TBX5: variants seen among roughly 807,000 people sequenced by gnomAD.
TBX5 encodes T-box transcription factor 5.
Under a neutral mutation model 51.1 loss-of-function variants are expected in TBX5, and 8 were observed. The ratio of observed to expected loss-of-function variants is 0.16; its 90% CI spans 0.09 to 0.28. TBX5 has a LOEUF of 0.28. TBX5 is among the 10% of genes least tolerant of loss of function. TBX5 has a pLI of 1.00. For missense variants in TBX5, 589 were observed against 671.7 expected (o/e 0.88, Z 1.36); for synonymous variants, 302 against 266.4 (o/e 1.13, Z -1.30).
At chr12:114,383,558 G>A (rs1870632930) in intron 7 of TBX5, among the ~76,000 whole-genome samples, 1 of 152,128 alleles carries the variant, frequency 6.6e-6, no homozygotes. Flanking sequence ...TGCCTGATTT[G>A]TGTTTTACAA....
chr12:114,365,006 A>G (rs1869435984), intron 8 of TBX5, among the ~76,000 whole-genome samples: 1 of 152,100 alleles, frequency 6.6e-6, no homozygotes, highest in Admixed American at 6.5e-5. Flanking sequence ...TCTGGCTCAC[A>G]AGAAGGGCCA....
At chr12:114,398,800 C>A (rs780743606) in intron 4 of TBX5, 80 bp from the exon 5 acceptor site, 88 of 1,523,974 alleles carry the variant, frequency 5.8e-5, no homozygotes, top group Non-Finnish European at 7.4e-5. Context: ...CTTCAGTTCA[C>A]GCACCAGGTG....
At chr12:114,391,044 A>G (rs1871117869) in intron 6 of TBX5, among the ~76,000 whole-genome samples, 1 of 152,222 alleles carries the variant, frequency 6.6e-6, no homozygotes. Flanking sequence ...GAAATGAACC[A>G]TGTAGCCTAC....
At chr12:114,385,817 C>T (rs543518528) in intron 6 of TBX5, among the ~76,000 whole-genome samples, 1 of 150,366 alleles carries the variant, frequency 6.7e-6, no homozygotes, top group East Asian at 2.0e-4. Flanking sequence ...TGGAGTCATA[C>T]TCTGCATCAT....
intron 8 of TBX5, among the ~76,000 whole-genome samples, chr12:114,364,624 G>A (rs951354910): frequency 1.3e-5 from 2 of 152,160 alleles, no homozygotes; most frequent in African/African-American, 4.8e-5. Flanking sequence ...CTCTCACCTA[G>A]AGAGGCAGTC....
At chr12:114,399,429 A>AG (rs1871651976) in intron 4 of TBX5, 84 bp downstream of exon 4, 1 of 1,577,472 alleles carries the variant, frequency 6.3e-7, no homozygotes, top group African/African-American at 1.4e-5. Context: ...AAAAAAAAAA[A>AG]GTTCACTGAT....
intron 4 of TBX5, among the ~76,000 whole-genome samples, chr12:114,399,256 C>T (rs938384487): frequency 6.6e-6 from 1 of 152,224 alleles, no homozygotes; most frequent in Non-Finnish European, 1.5e-5. Context: ...AATCCACAAC[C>T]TGTGGGTGCA....
chr12:114,393,850 AT>A (rs922167083), intron 6 of TBX5, among the ~76,000 whole-genome samples: 1 of 152,128 alleles, frequency 6.6e-6, no homozygotes, highest in African/African-American at 2.4e-5. Flanking sequence ...TGGGAGTGTT[AT>A]CCCAAGCTGC....
intron 4 of TBX5, 127 bp from the exon 5 acceptor site, chr12:114,398,847 C>T: frequency 8.5e-7 from 1 of 1,176,250 alleles, no homozygotes; most frequent in Non-Finnish European, 1.2e-6. Context: ...AATCTGGAGG[C>T]TCTCCCGTCT....
chr12:114,398,663 G>T lies in TBX5; in HGVS notation c.420C>A (p.Asp140Glu). The change falls in exon 5 of 9, where the codon GAC becomes GAA. Residue 140 changes from aspartate (D) to glutamate (E), a missense_variant. Physicochemically the swap from Asp to Glu is conservative, Grantham distance 45 (BLOSUM62 2). Coordinates refer to ENST00000405440, the MANE Select transcript of TBX5 (RefSeq NM_181486.4). ...TCCAATGCGCCCCGGTGGCGGGGGAGTCTGGGTGCACGTACAGGCGGCCAG... is the reference window on the plus strand; with the variant it reads ...TCCAATGCGCCCCGGTGGCGGGGGATTCTGGGTGCACGTACAGGCGGCCAG... ...AMPGRLYVHP[D>E]SPATGAHWMR... 6.2e-7 allele frequency: 1 copy of T among 1,613,184 alleles called. No individual in the cohort carries two copies. Among genetic ancestry groups the T allele is most frequent in the East Asian group, 2.2e-5 (1 of 44,840 alleles).
chr12:114,385,799 C>A (rs1024145791), intron 6 of TBX5, among the ~76,000 whole-genome samples: 1 of 150,952 alleles, frequency 6.6e-6, no homozygotes, highest in South Asian at 2.1e-4. Context: ...TTTGGTTTGC[C>A]CATTAATTGG....
At chr12:114,396,023 C>T (rs80226485) in intron 5 of TBX5, among the ~76,000 whole-genome samples, 4,748 of 152,232 alleles carry the variant, frequency 0.031, 85 homozygotes, top group African/African-American at 0.043. Flanking sequence ...TGCTTTTTCC[C>T]GGGAACTGCG....
intron 7 of TBX5, among the ~76,000 whole-genome samples, chr12:114,378,800 C>G (rs746733863): frequency 6.6e-6 from 1 of 152,098 alleles, no homozygotes; most frequent in Non-Finnish European, 1.5e-5. Context: ...CCACACCCAG[C>G]TAATTTTTTG....
chr12:114,397,377 C>T (rs2136414725), intron 5 of TBX5, among the ~76,000 whole-genome samples: 1 of 152,316 alleles, frequency 6.6e-6, no homozygotes, highest in East Asian at 1.9e-4. Context: ...TGCCTCCCGT[C>T]CGCCCCCTAG....
In TBX5 at chr12:114,373,515, A is replaced by G. The variant is rs144786209; in HGVS notation, c.756-7124T>C. Among the ~76,000 whole-genome samples the G allele has an allele frequency of 2.1e-4, 32 of 152,252 alleles. No individual in the cohort carries two copies. In the East Asian group the frequency reaches 6.2e-3, roughly 30 times the overall value. On this transcript the variant is annotated intron_variant, in intron 7 of 8. Coordinates refer to ENST00000405440, the MANE Select transcript of TBX5 (RefSeq NM_181486.4). The stretch of plus-strand genomic sequence containing the variant: ...GCTCTGTCGCCCAGGCTGGAGTGCA[A>G]TGGTGCAATCTCAGCTCACTGCAAC...
intron 8 of TBX5, among the ~76,000 whole-genome samples, chr12:114,360,731 G>A (rs1024897274): frequency 2.0e-5 from 3 of 146,516 alleles, no homozygotes; most frequent in African/African-American, 7.5e-5. Context: ...GGATGGGTGG[G>A]TGGATGGGTG....
At chr12:114,402,640 C>T (rs567445301) in intron 2 of TBX5, among the ~76,000 whole-genome samples, 36 of 152,128 alleles carry the variant, frequency 2.4e-4, no homozygotes, top group Non-Finnish European at 4.8e-4. Context: ...TTATAGGACA[C>T]GCCTGATGCC....
intron 8 of TBX5, among the ~76,000 whole-genome samples, chr12:114,358,085 C>A (rs774485152): frequency 3.3e-5 from 5 of 152,212 alleles, no homozygotes; most frequent in Non-Finnish European, 7.3e-5. Flanking sequence ...GGTCACATGG[C>A]TGAGAAGGAA....
intron 6 of TBX5, 123 bp from the exon 7 acceptor site, chr12:114,385,690 T>G (rs1870775135): frequency 1.2e-6 from 1 of 815,910 alleles, no homozygotes; most frequent in South Asian, 1.4e-5. Flanking sequence ...AGAAGCAAAT[T>G]AAGCCAGTCA....
Sources: gnomAD v4.1 joint callset for allele counts (sites outside exome capture counted in the v4.1 genomes callset) on GRCh38, gnomAD v4.1.1 for gene constraint, MANE v1.5 for transcripts, NCBI Gene and HGNC (gene_info 2026-07-23, HGNC 2026-07-21) for gene names.